Variants in SECISBP2 observed in about 807,000 individuals in gnomAD.
The protein encoded by SECISBP2 is selenocysteine insertion sequence-binding protein 2.
SECISBP2 carries 96 observed loss-of-function variants against 98.2 expected under a neutral mutation model. The ratio of observed to expected loss-of-function variants is 0.98; its 90% CI spans 0.83 to 1.16. The LOEUF is 1.16. Among genes scored for constraint, SECISBP2 ranks in the 50% most tolerant of loss-of-function variants. The pLI is 0.00. For missense variants in SECISBP2, 1,046 were observed against 1,022.9 expected, an observed-to-expected ratio of 1.02 and a Z score of -0.31; for synonymous variants, 407 against 370.2, an observed-to-expected ratio of 1.10 and a Z score of -1.14.
At position 89,358,077 on chromosome 9, in the gene SECISBP2, G is replaced by C. The variant is rs975567144; in HGVS notation, c.2347G>C (p.Glu783Gln). 1.2e-6 allele frequency: 2 copies of C among 1,613,710 alleles called. No individual in the cohort carries two copies. The highest frequency in any genetic ancestry group is 2.7e-5 in the African/African-American group (2 of 74,926). ...YKTMLENVQQ[E>Q]LVGEPRPQAP... ...GACCATGCTGGAGAATGTGCAGCAG[G>C]AGCTGGTGGGAGAGCCCAGGCCTCA... Residue 783 changes from glutamate to glutamine, a missense_variant, in exon 16 of 17, where the codon GAG (glutamate) becomes CAG (glutamine). Transcript: ENST00000375807.
intron 4 of SECISBP2, 64 bp from the exon 5 acceptor site, chr9:89,328,596 C>T: frequency 7.4e-7 from 1 of 1,343,910 alleles, no homozygotes; most frequent in Non-Finnish European, 1.1e-6. Context: ...GCAATTTTTG[C>T]TTGCATACTG....
chr9:89,338,644 TG>T, intron 8 of SECISBP2, 64 bp downstream of exon 8: 1 of 1,535,542 alleles, frequency 6.5e-7, no homozygotes, highest in Non-Finnish European at 8.9e-7. Context: ...AAAAGAAACT[TG>T]GGTTCATATT....
chr9:89,349,174 T>C (rs1006869061), intron 12 of SECISBP2, among the ~76,000 whole-genome samples: 1 of 152,212 alleles, frequency 6.6e-6, no homozygotes, highest in Non-Finnish European at 1.5e-5. Flanking sequence ...GTGGGTGTGG[T>C]ATATGTTTTT....
At position 89,359,028 on chromosome 9, in the gene SECISBP2, G is replaced by A; in HGVS notation, c.*204G>A. ...TTAAAGGTCACTCAGATGTGCAGGT[G>A]TTAATCTTCTCTAAAAGCCTGGTGA... On this transcript the variant is annotated 3_prime_UTR_variant, in exon 17 of 17. Coordinates refer to ENST00000375807, the MANE Select transcript of SECISBP2 (RefSeq NM_024077.5). 3.4e-6 allele frequency: 2 copies of A among 582,170 alleles called. No individual in the cohort carries two copies. Among genetic ancestry groups the A allele is most frequent in the Admixed American group, 2.9e-5 (1 of 34,160 alleles). The allele number at this position is 582,170 out of a possible 1,614,324, so 36.1% of individuals were successfully genotyped here.
At position 89,324,661 on chromosome 9, in the gene SECISBP2, A is replaced by G. The variant is rs972776245; in HGVS notation, c.183-766A>G. The G allele has an allele frequency of 3.0e-4, 46 of 152,532 alleles. 1 individual carries two copies. The highest frequency in any genetic ancestry group is 9.4e-4 in the African/African-American group (39 of 41,446). The allele number at this position is 152,532 out of a possible 1,614,324, so 9.4% of individuals were successfully genotyped here. On this transcript the variant is annotated intron_variant, in intron 2 of 16. Transcript: ENST00000375807. ...ATTTTTTGCCTTTCAGTGTACTAGT[A>G]CATTTTGGAATAGCTCCGGAAATTA...
At chr9:89,319,531 G>A (rs1276642604) in intron 1 of SECISBP2, 121 bp from the exon 2 acceptor site, 12 of 1,175,610 alleles carry the variant, frequency 1.0e-5, no homozygotes, top group Non-Finnish European at 1.5e-5. Flanking sequence ...CGAGGCAGAA[G>A]TTTTTAAACA....
rs756852889 is a variant in SECISBP2, at chr9:89,349,883, C to T, written c.1846C>T (p.Pro616Ser). 1.9e-6 allele frequency: 3 copies of T among 1,614,228 alleles called. No individual in the cohort carries two copies. Among genetic ancestry groups the T allele is most frequent in the South Asian group, 1.1e-5 (1 of 91,084 alleles). ...GGACACAGAGGCCTCCCACCTTGCT[C>T]CCAATCACACCACCTTCCCTAAGAT... Reference protein sequence around the residue: ...QRDTEASHLAPNHTTFPKIHS... With the variant: ...QRDTEASHLASNHTTFPKIHS... Residue 616 changes from proline to serine, a missense_variant, in exon 13 of 17, where the codon CCC (proline) becomes TCC (serine). Coordinates refer to ENST00000375807, the MANE Select transcript of SECISBP2 (RefSeq NM_024077.5).
In SECISBP2 at chr9:89,318,628, G is replaced by A; in HGVS notation, c.36+16G>A. 7.0e-7 allele frequency: 1 copy of A among 1,421,852 alleles called. No homozygotes were observed. Among genetic ancestry groups the A allele is most frequent in the Non-Finnish European group, 9.1e-7 (1 of 1,096,452 alleles). The allele number at this position is 1,421,852 out of a possible 1,614,324, so 88.1% of individuals were successfully genotyped here. A position where few individuals can be genotyped will look rare whatever the true frequency, so the allele number is the denominator to read the frequency against. ...CGAAAGCGAGGTAAGGGCCGACGGGGGCTCTCTCGGCAGCCTCAGTCCGTC... is the reference window on the plus strand; with the variant it reads ...CGAAAGCGAGGTAAGGGCCGACGGGAGCTCTCTCGGCAGCCTCAGTCCGTC... On this transcript the variant is annotated intron_variant, in intron 1 of 16. Coordinates refer to ENST00000375807, the MANE Select transcript of SECISBP2 (RefSeq NM_024077.5).
intron 10 of SECISBP2, among the ~76,000 whole-genome samples, chr9:89,344,775 A>G (rs1830192254): frequency 6.6e-6 from 1 of 152,210 alleles, no homozygotes; most frequent in African/African-American, 2.4e-5. Context: ...TTACTCCAGT[A>G]GGTCTCCATT....
At chr9:89,350,492 C>T in intron 13 of SECISBP2, 140 bp from the exon 14 acceptor site, 1 of 793,968 alleles carries the variant, frequency 1.3e-6, no homozygotes. Flanking sequence ...AGGAATTCCA[C>T]AGTTCTGGTT....
At chr9:89,357,200 A>C (rs1832222232) in intron 14 of SECISBP2, 3 of 615,516 alleles carry the variant, frequency 4.9e-6, no homozygotes, top group South Asian at 3.8e-5. Context: ...CTGTTAAGAC[A>C]ATACCAGCTG....
In SECISBP2 at chr9:89,341,367, A is replaced by G; in HGVS notation, c.1323A>G (p.Val441=). ...TTCAGGATAATTTTAAAAATAATGT[A>G]AAGAAGAGCCAGCTTCCAGTGCAGT... The part of the protein sequence containing the change: ...QQPQDNFKNN[V]KKSQLPVQLD... The change falls in exon 10 of 17, where the codon GTA becomes GTG. Residue 441 remains valine, a synonymous_variant. Coordinates refer to ENST00000375807, the MANE Select transcript of SECISBP2 (RefSeq NM_024077.5). 1 of 1,613,828 alleles carries G rather than the reference A, an allele frequency of 6.2e-7. No homozygotes were observed. The highest frequency in any genetic ancestry group is 8.5e-7 in the Non-Finnish European group (1 of 1,179,722).
intron 4 of SECISBP2, among the ~76,000 whole-genome samples, chr9:89,327,409 A>G (rs1826922521): frequency 6.6e-6 from 1 of 152,170 alleles, no homozygotes; most frequent in African/African-American, 2.4e-5. Flanking sequence ...TACTTTATAC[A>G]TTTTTAATTT....
At chr9:89,363,855 G>A, downstream of SECISBP2, 2 of 1,614,050 alleles carry the variant, frequency 1.2e-6, no homozygotes, top group Non-Finnish European at 8.5e-7. Context: ...CTGAGTGCAT[G>A]GGCCCTGCCA....
downstream of SECISBP2, chr9:89,362,097 A>G: frequency 1.8e-6 from 1 of 551,248 alleles, no homozygotes; most frequent in East Asian, 3.0e-5. Context: ...GTTTTAGTTC[A>G]CGAGCAGCTA....
chr9:89,319,548 G>T, intron 1 of SECISBP2, 104 bp from the exon 2 acceptor site: 1 of 1,305,788 alleles, frequency 7.7e-7, no homozygotes, highest in South Asian at 1.2e-5. Context: ...AACAACATCG[G>T]GAACATTTCT....
chr9:89,361,853 C>G (rs903065716), downstream of SECISBP2: 1 of 159,034 alleles, frequency 6.3e-6, no homozygotes, highest in African/African-American at 2.4e-5. Context: ...TGTGGAGTCT[C>G]ACCTTTTCTT....
chr9:89,349,897 C>A lies in SECISBP2; in HGVS notation c.1860C>A (p.Thr620=). ...CCCACCTTGCTCCCAATCACACCAC[C>A]TTCCCTAAGATCCACAGCCGCAGAT... is the stretch of plus-strand genomic sequence containing the variant. The part of the protein sequence containing the change: ...EASHLAPNHT[T]FPKIHSRRFR... Residue 620 remains threonine (T), a synonymous_variant, in exon 13 of 17, where the codon ACC becomes ACA. Coordinates refer to ENST00000375807, the MANE Select transcript of SECISBP2 (RefSeq NM_024077.5). The A allele has an allele frequency of 1.2e-6, 2 of 1,614,242 alleles. No homozygotes were observed. The highest frequency in any genetic ancestry group is 1.7e-6 in the Non-Finnish European group (2 of 1,180,032).
intron 1 of SECISBP2, 135 bp from the exon 2 acceptor site, chr9:89,319,516 CT>C (rs1035785852): frequency 4.2e-5 from 42 of 993,744 alleles, no homozygotes; most frequent in Non-Finnish European, 6.6e-5. Context: ...AGGTTCTTGT[CT>C]TTACGAGGCA....
Sources: gnomAD v4.1 joint callset for allele counts (sites outside exome capture counted in the v4.1 genomes callset) on GRCh38, gnomAD v4.1.1 for gene constraint, MANE v1.5 for transcripts, NCBI Gene and HGNC (gene_info 2026-07-23, HGNC 2026-07-21) for gene names.